DLGAP2: variants seen among roughly 807,000 people sequenced by gnomAD.
The protein encoded by DLGAP2 is DLG associated protein 2, also known as disks large-associated protein 2.
Under a neutral mutation model 100.3 loss-of-function variants are expected in DLGAP2, and 26 were observed. The ratio of observed to expected loss-of-function variants is 0.26; its 90% CI spans 0.19 to 0.36. The LOEUF (loss-of-function observed/expected upper bound fraction) is 0.36, where lower values mean the gene tolerates loss of function less well. Among genes scored for constraint, DLGAP2 ranks in the 10% least tolerant of loss-of-function variants. The pLI, the probability that DLGAP2 is intolerant of heterozygous loss-of-function variation, is 1.00. For synonymous variants in DLGAP2, 886 were observed against 630.1 expected, an observed-to-expected ratio of 1.41 and a Z score of -6.08; for missense variants, 1,858 against 1,453.2, an observed-to-expected ratio of 1.28 and a Z score of -4.53.
At chr8:1,155,105 C>T (rs1488222644) in intron 2 of DLGAP2, among the ~76,000 whole-genome samples, 3 of 152,202 alleles carry the variant, frequency 2.0e-5, no homozygotes, top group Non-Finnish European at 4.4e-5. Context: ...CCGTCTTAAA[C>T]CCTGCCTGGG....
intron 1 of DLGAP2, among the ~76,000 whole-genome samples, chr8:845,090 G>A (rs900196975): frequency 1.3e-5 from 2 of 152,210 alleles, no homozygotes; most frequent in Non-Finnish European, 2.9e-5. Context: ...TTTGGGTTGT[G>A]TACACTGATT....
chr8:774,630 C>G (rs200866987), intron 1 of DLGAP2, among the ~76,000 whole-genome samples: 1 of 150,446 alleles, frequency 6.6e-6, no homozygotes, highest in East Asian at 1.9e-4. Flanking sequence ...GCTTGTTTTT[C>G]TCAGGTTTGT....
chr8:795,887 G>C lies in DLGAP2; in HGVS notation c.18+58062G>C, dbSNP rs78663942. ...GAGAGCAGGCGTCCAGTGAGAGCAG[G>C]CGTCCAGTGAGAGCAGCTGTCCAGT... On this transcript the variant is annotated intron_variant, in intron 1 of 14. Transcript: ENST00000637795. Among the ~76,000 whole-genome samples, 531 of 92,458 alleles carry C rather than the reference G, an allele frequency of 5.7e-3. 117 individuals carry two copies. The highest frequency in any genetic ancestry group is 0.013 in the South Asian group (25 of 1,928). The allele number at this position is 92,458 out of a possible 152,430, so 60.7% of individuals were successfully genotyped here. A position where few individuals can be genotyped will look rare whatever the true frequency, so the allele number is the denominator to read the frequency against.
intron 6 of DLGAP2, among the ~76,000 whole-genome samples, chr8:1,596,705 C>T (rs530903329): frequency 6.6e-6 from 1 of 152,140 alleles, no homozygotes; most frequent in Non-Finnish European, 1.5e-5. Context: ...CGTTCACCCA[C>T]TTTATGATTG....
At chr8:1,640,315 C>G (rs1797867140) in intron 8 of DLGAP2, among the ~76,000 whole-genome samples, 1 of 129,248 alleles carries the variant, frequency 7.7e-6, no homozygotes, top group Non-Finnish European at 1.6e-5. Flanking sequence ...TCCTCAGTGT[C>G]AGACCTGCTG....
intron 2 of DLGAP2, among the ~76,000 whole-genome samples, chr8:1,049,561 G>A (rs138241381): frequency 1.2e-4 from 18 of 152,182 alleles, no homozygotes; most frequent in African/African-American, 1.7e-4. Flanking sequence ...AAGGTAGGGC[G>A]TATACAAAAA....
At chr8:1,166,031 C>T (rs1797007778) in intron 2 of DLGAP2, among the ~76,000 whole-genome samples, 1 of 152,146 alleles carries the variant, frequency 6.6e-6, no homozygotes, top group African/African-American at 2.4e-5. Flanking sequence ...GAATAATCTC[C>T]CGTCAGTAAC....
At chr8:1,192,858 C>T (rs191465256) in intron 2 of DLGAP2, among the ~76,000 whole-genome samples, 5 of 151,672 alleles carry the variant, frequency 3.3e-5, no homozygotes, top group African/African-American at 1.2e-4. Flanking sequence ...GTGTGTGATG[C>T]TCCCCTTCCT....
At chr8:863,808 C>G (rs1797439773) in intron 1 of DLGAP2, among the ~76,000 whole-genome samples, 1 of 152,164 alleles carries the variant, frequency 6.6e-6, no homozygotes, top group African/African-American at 2.4e-5. Context: ...CTATGGAAAA[C>G]AGTGTGGAGG....
At chr8:775,006 G>A (rs1821474405) in intron 1 of DLGAP2, among the ~76,000 whole-genome samples, 1 of 151,886 alleles carries the variant, frequency 6.6e-6, no homozygotes, top group Non-Finnish European at 1.5e-5. Context: ...CCATTTGTTT[G>A]TATCCTCTTT....
rs1031758373 is a variant in DLGAP2 at position 1,066,701 on chromosome 8, G to T, written c.73+158735G>T. Among the ~76,000 whole-genome samples the T allele has an allele frequency of 2.6e-5, 4 of 152,220 alleles. 1 individual carries two copies. Among genetic ancestry groups the T allele is most frequent in the African/African-American group, 9.6e-5 (4 of 41,460 alleles). On this transcript the variant is annotated intron_variant, in intron 2 of 14. Coordinates refer to ENST00000637795, the MANE Select transcript of DLGAP2 (RefSeq NM_001346810.2). ...AGTTCCCCACCATGGTCAAGTCTGA[G>T]TGAGGAGGGCAGCTCCACCACGACT...
intron 1 of DLGAP2, among the ~76,000 whole-genome samples, chr8:784,005 C>T (rs953619219): frequency 6.6e-6 from 1 of 152,190 alleles, no homozygotes; most frequent in Admixed American, 6.5e-5. Flanking sequence ...GGGCCATCGC[C>T]AGAATAACAC....
At chr8:1,372,442 A>G (rs1169302564) in intron 3 of DLGAP2, among the ~76,000 whole-genome samples, 1 of 152,130 alleles carries the variant, frequency 6.6e-6, no homozygotes, top group African/African-American at 2.4e-5. Flanking sequence ...GGGAAGACAA[A>G]TGTCGTGCGA....
intron 8 of DLGAP2, among the ~76,000 whole-genome samples, chr8:1,651,925 T>C (rs901863944): frequency 2.6e-5 from 4 of 152,200 alleles, no homozygotes; most frequent in African/African-American, 9.6e-5. Flanking sequence ...AGCCTTTGCA[T>C]GAGGCAGCAC....
chr8:1,250,874 C>G (rs763117716), intron 2 of DLGAP2, among the ~76,000 whole-genome samples: 1 of 152,172 alleles, frequency 6.6e-6, no homozygotes, highest in Non-Finnish European at 1.5e-5. Context: ...CGGGGTGACG[C>G]TCTGAGAAAC....
At chr8:967,789 A>G (rs796474744) in intron 2 of DLGAP2, among the ~76,000 whole-genome samples, 23,335 of 71,544 alleles carry the variant, frequency 0.33, 6,114 homozygotes, top group Admixed American at 0.5. Context: ...GTATATATAT[A>G]TATATACACC....
In DLGAP2 at chr8:1,540,856, G is replaced by C. The variant is rs186106647; in HGVS notation, c.173-7770G>C. Among the ~76,000 whole-genome samples, 193 of 152,356 alleles carry C rather than the reference G, an allele frequency of 1.3e-3. 1 individual carries two copies. The highest frequency in any genetic ancestry group is 4.4e-3 in the African/African-American group (185 of 41,576). ...GGTTTGAAACCACACAAACATCCAG[G>C]TCTCATCTATTTGGGGCTAAGATTT... On this transcript the variant is annotated intron_variant, in intron 4 of 14. Transcript: ENST00000637795.
chr8:1,683,374 G>T (rs1042755329), intron 12 of DLGAP2, among the ~76,000 whole-genome samples: 1 of 151,424 alleles, frequency 6.6e-6, no homozygotes, highest in African/African-American at 2.4e-5. Context: ...TCCTTCCTCT[G>T]GAGGAAGATC....
intron 8 of DLGAP2, among the ~76,000 whole-genome samples, chr8:1,641,909 C>G (rs1267768134): frequency 1.5e-5 from 2 of 136,594 alleles, no homozygotes; most frequent in Non-Finnish European, 3.2e-5. Context: ...ACCCTCGACC[C>G]CGCCGGCCCT....
Sources: gnomAD v4.1 joint callset for allele counts (sites outside exome capture counted in the v4.1 genomes callset) on GRCh38, gnomAD v4.1.1 for gene constraint, MANE v1.5 for transcripts, NCBI Gene and HGNC (gene_info 2026-07-23, HGNC 2026-07-21) for gene names.